The following ARHGAP29 variants were observed in gnomAD, a reference collection of about 807,000 sequenced individuals.
The protein encoded by ARHGAP29 is rho GTPase-activating protein 29.
Under a neutral mutation model 122.6 loss-of-function variants are expected in ARHGAP29, and 43 were observed. The observed-to-expected ratio is 0.35, with a 90% CI of 0.27 to 0.45. ARHGAP29 has a LOEUF of 0.45. ARHGAP29 is among the 20% of genes least tolerant of loss of function. The pLI is 1.00. For synonymous variants in ARHGAP29, 506 were observed against 497.1 expected, an observed-to-expected ratio of 1.02 and a Z score of -0.24; for missense variants, 1,303 against 1,477.2, an observed-to-expected ratio of 0.88 and a Z score of 1.93.
At chr1:94,200,154 C>A (rs908019113) in intron 12 of ARHGAP29, among the ~76,000 whole-genome samples, 2 of 152,080 alleles carry the variant, frequency 1.3e-5, no homozygotes, top group Non-Finnish European at 2.9e-5. Context: ...AAAATTAAAA[C>A]CTCTTTCTCC....
rs867530003 is a variant in ARHGAP29, at chr1:94,231,685, A to G, written c.-32-42T>C. The G allele has an allele frequency of 4.9e-6, 7 of 1,436,722 alleles. No individual in the cohort carries two copies. In the Middle Eastern group the frequency reaches 1.1e-3, roughly 221 times the overall value. 89.0% of individuals were successfully genotyped at this position (1,436,722 alleles called of 1,614,324 possible). On this transcript the variant is annotated intron_variant, in intron 1 of 22. Coordinates refer to ENST00000260526, the MANE Select transcript of ARHGAP29 (RefSeq NM_004815.4). ...ACAAAACAAAAACAAGCGAGGAGAG[A>G]GAAAGAAACACAAAAACTAAATCAG...
At chr1:94,190,314 A>G in intron 12 of ARHGAP29, 1 of 394,432 alleles carries the variant, frequency 2.5e-6, no homozygotes, top group South Asian at 6.1e-5. Flanking sequence ...ACTGGCTTTT[A>G]GCTGAAAAGT....
At chr1:94,306,511 C>T in the ARHGAP29 span, among the ~76,000 whole-genome samples, 1 of 152,168 alleles carries the variant, frequency 6.6e-6, no homozygotes, top group Non-Finnish European at 1.5e-5. Flanking sequence ...TTTTGTAACT[C>T]AGGATTTTAT....
intron 6 of ARHGAP29, 122 bp from the exon 7 acceptor site, chr1:94,205,320 G>C (rs1199610593): frequency 2.5e-6 from 2 of 791,332 alleles, no homozygotes; most frequent in African/African-American, 3.6e-5. Context: ...AAAAATACAA[G>C]TGACAAATTT....
At chr1:94,235,702 C>T (rs371616809) in intron 1 of ARHGAP29, among the ~76,000 whole-genome samples, 23 of 152,276 alleles carry the variant, frequency 1.5e-4, no homozygotes, top group African/African-American at 5.5e-4. Flanking sequence ...CAACTTCAAA[C>T]CAACAATATT....
chr1:94,178,045 T>C lies in ARHGAP29; in HGVS notation c.2603A>G (p.Tyr868Cys), dbSNP rs1485328300. The C allele has an allele frequency of 1.2e-6, 2 of 1,614,074 alleles. No homozygotes were observed. Among genetic ancestry groups the C allele is most frequent in the African/African-American group, 1.3e-5 (1 of 74,940 alleles). ...APITISSLAE[Y>C]SNQARLVEFL... ...CTCTACCAAGCGTGCTTGATTTGAA[T>C]ACTCTGCAAGGGAGGAGATGGTGAT... Residue 868 changes from tyrosine to cysteine, a missense_variant, in exon 21 of 23, where the codon TAT (tyrosine) becomes TGT (cysteine). By Grantham distance (194) the Tyr-to-Cys change is radical. Coordinates refer to ENST00000260526, the MANE Select transcript of ARHGAP29 (RefSeq NM_004815.4).
intron 3 of ARHGAP29, among the ~76,000 whole-genome samples, chr1:94,209,716 C>T (rs1651462685): frequency 6.6e-6 from 1 of 152,150 alleles, no homozygotes; most frequent in African/African-American, 2.4e-5. Context: ...TTACTGCTTT[C>T]TGGCATTTTA....
chr1:94,209,166 C>G, intron 4 of ARHGAP29, 88 bp downstream of exon 4: 2 of 1,014,826 alleles, frequency 2.0e-6, no homozygotes, highest in Non-Finnish European at 3.0e-6. Flanking sequence ...TTTAATACTT[C>G]GTTTCCCATG....
At chr1:94,280,807 T>C in the ARHGAP29 span, among the ~76,000 whole-genome samples, 10 of 152,206 alleles carry the variant, frequency 6.6e-5, no homozygotes, top group African/African-American at 2.4e-4. Flanking sequence ...TCCTGGTTCT[T>C]TTCTGCAAAT....
Position 94,179,891 on chromosome 1 carries a change from G to A in ARHGAP29, c.2314C>T (p.His772Tyr). Reference protein sequence around the residue: ...EFIDLAKEIQHVNEEQETKKN... With the variant: ...EFIDLAKEIQYVNEEQETKKN... The stretch of plus-strand genomic sequence containing the variant: ...TTTGTCTCTTGTTCTTCATTTACAT[G>A]TTGGATCTCTTTTGCAAGGTCTATA... Residue 772 changes from histidine (H) to tyrosine (Y), a missense_variant, in exon 20 of 23, where the codon CAT becomes TAT. Transcript: ENST00000260526. 6.2e-7 allele frequency: 1 copy of A among 1,612,960 alleles called. No homozygotes were observed. Among genetic ancestry groups the A allele is most frequent in the Non-Finnish European group, 8.5e-7 (1 of 1,179,604 alleles).
At chr1:94,240,178 GAC>G (rs1176515250), upstream of ARHGAP29, among the ~76,000 whole-genome samples, 1 of 152,154 alleles carries the variant, frequency 6.6e-6, no homozygotes, top group Non-Finnish European at 1.5e-5. Flanking sequence ...CATAGGATCT[GAC>G]ACAGAGTCAC....
At chr1:94,187,437 T>C (rs796719528) in intron 15 of ARHGAP29, among the ~76,000 whole-genome samples, 2 of 152,276 alleles carry the variant, frequency 1.3e-5, no homozygotes, top group African/African-American at 4.8e-5. Context: ...AATCACAAGG[T>C]TGTATTACTC....
At chr1:94,259,380 ATGT>A (rs1654474976) in intron 1 of ARHGAP29, among the ~76,000 whole-genome samples, 1 of 152,224 alleles carries the variant, frequency 6.6e-6, no homozygotes, top group South Asian at 2.1e-4. Context: ...AAGATTGGAC[ATGT>A]TGTAGTGGAT....
chr1:94,238,215 C>T (rs1337697038), upstream of ARHGAP29, among the ~76,000 whole-genome samples: 1 of 151,804 alleles, frequency 6.6e-6, no homozygotes, highest in Non-Finnish European at 1.5e-5. Context: ...CACCCATTAC[C>T]ACGCCAAGCT....
intron 1 of ARHGAP29, among the ~76,000 whole-genome samples, chr1:94,232,365 G>GACACAC (rs375173043): frequency 6.6e-6 from 1 of 151,844 alleles, no homozygotes; most frequent in South Asian, 2.1e-4. Context: ...CATATACACA[G>GACACAC]ACACACACAC....
intron 3 of ARHGAP29, among the ~76,000 whole-genome samples, chr1:94,214,852 A>G (rs111877677): frequency 2.0e-5 from 3 of 152,120 alleles, no homozygotes; most frequent in Admixed American, 6.5e-5. Context: ...TTTGACCACA[A>G]CCTTGGGAAA....
the ARHGAP29 span, among the ~76,000 whole-genome samples, chr1:94,312,879 C>T: frequency 9.0e-4 from 137 of 152,298 alleles, 1 homozygote; most frequent in African/African-American, 3.1e-3. Flanking sequence ...GGGAGAGTGC[C>T]TAGGGCTCCA....
chr1:94,252,782 C>T (rs12128815), intron 1 of ARHGAP29, among the ~76,000 whole-genome samples: 3,114 of 151,904 alleles, frequency 0.02, 62 homozygotes, highest in South Asian at 0.059. Flanking sequence ...ACATTTTCCA[C>T]GATTGTTTTT....
upstream of ARHGAP29, among the ~76,000 whole-genome samples, chr1:94,279,008 T>C (rs1655271422): frequency 6.6e-6 from 1 of 152,218 alleles, no homozygotes; most frequent in Admixed American, 6.5e-5. Context: ...ATTGATCAAT[T>C]TACCCTTGTG....
Sources: allele counts gnomAD v4.1 joint callset (sites outside exome capture counted in the v4.1 genomes callset), GRCh38; gene constraint gnomAD v4.1.1; transcripts MANE v1.5; gene names NCBI Gene and HGNC (gene_info 2026-07-23, HGNC 2026-07-21).